The following ECI2 variants were observed in gnomAD, a reference collection of about 807,000 sequenced individuals.
The protein encoded by ECI2 is enoyl-CoA delta isomerase 2, also known as D3,D2-enoyl-CoA isomerase.
A neutral mutation model predicts 38.4 loss-of-function variants in ECI2; 27 were observed. The ratio of observed to expected loss-of-function variants is 0.70; its 90% CI spans 0.52 to 0.97. The LOEUF is 0.97. Ranked by LOEUF, ECI2 falls within the 50% of genes least tolerant of loss-of-function variation. The pLI, the probability that ECI2 is intolerant of heterozygous loss-of-function variation, is 0.00. For missense variants in ECI2, 470 were observed against 474.4 expected (o/e 0.99, Z 0.09); for synonymous variants, 168 against 172.0 (o/e 0.98, Z 0.18).
At chr6:4,130,628 A>G (rs767625812) in intron 3 of ECI2, 68 bp from the exon 4 acceptor site, 5 of 1,606,404 alleles carry the variant, frequency 3.1e-6, no homozygotes, top group Non-Finnish European at 4.3e-6. Flanking sequence ...AAGTTACTAT[A>G]CTAATAACTA....
chr6:4,120,902 CA>C (rs1183297981), intron 7 of ECI2, among the ~76,000 whole-genome samples: 2 of 152,052 alleles, frequency 1.3e-5, no homozygotes, highest in African/African-American at 2.4e-5. Context: ...ATAATGTTAA[CA>C]AAAAGGCAGT....
intron 7 of ECI2, 44 bp from the exon 8 acceptor site, chr6:4,119,319 ATTTTTT>A: frequency 6.8e-6 from 8 of 1,172,022 alleles, no homozygotes; most frequent in East Asian, 2.7e-5. Context: ...TTCATGTGTG[ATTTTTT>A]TTTTTTTTTT....
chr6:4,133,404 A>G, intron 2 of ECI2, 145 bp downstream of exon 2: 1 of 873,028 alleles, frequency 1.1e-6, no homozygotes. Flanking sequence ...TGGCATATAT[A>G]TATATACACA....
At chr6:4,133,303 T>C (rs1015939756) in intron 2 of ECI2, among the ~76,000 whole-genome samples, 2 of 152,152 alleles carry the variant, frequency 1.3e-5, no homozygotes, top group Non-Finnish European at 2.9e-5. Context: ...GGTCTACAAA[T>C]GTGAATATTA....
chr6:4,127,118 A>G (rs1773211909), intron 5 of ECI2, among the ~76,000 whole-genome samples: 1 of 152,216 alleles, frequency 6.6e-6, no homozygotes, highest in South Asian at 2.1e-4. Flanking sequence ...TTAAAGATGC[A>G]TCCACATTCT....
chr6:4,124,778 G>C (rs1264707242), intron 7 of ECI2, among the ~76,000 whole-genome samples: 1 of 152,128 alleles, frequency 6.6e-6, no homozygotes, highest in African/African-American at 2.4e-5. Context: ...ATTGTGTTCT[G>C]GGCAAGGAAC....
intron 1 of ECI2, 162 bp downstream of exon 1, chr6:4,135,349 G>A: frequency 6.7e-7 from 1 of 1,484,412 alleles, no homozygotes; most frequent in Non-Finnish European, 8.9e-7. Flanking sequence ...CGCGCGTGAG[G>A]TCGTCACTTT....
chr6:4,121,852 T>C (rs1772796202), intron 7 of ECI2: 2 of 521,718 alleles, frequency 3.8e-6, no homozygotes. Context: ...TGTTAGAAGA[T>C]ATAAATCTAT....
chr6:4,131,666 G>A (rs1254203337), intron 2 of ECI2, among the ~76,000 whole-genome samples: 4 of 152,040 alleles, frequency 2.6e-5, no homozygotes, highest in Non-Finnish European at 5.9e-5. Flanking sequence ...AGACCAGCCT[G>A]ACCAATATGG....
At chr6:4,134,357 C>G (rs1461873280) in intron 1 of ECI2, among the ~76,000 whole-genome samples, 1 of 152,090 alleles carries the variant, frequency 6.6e-6, no homozygotes, top group Non-Finnish European at 1.5e-5. Context: ...CAGGCGTGCC[C>G]CTTTCTATGG....
chr6:4,130,309 T>G lies in ECI2; in HGVS notation c.501+63A>C, dbSNP rs1442400675. 32 of 1,613,774 alleles carry G rather than the reference T, an allele frequency of 2.0e-5. 1 individual carries two copies. Among genetic ancestry groups the G allele is most frequent in the Non-Finnish European group, 3.4e-6 (4 of 1,180,000 alleles). ...GAATGATGCTGAAACTCTACAGCTT[T>G]TGTGTGAAACACATAGAAGAAGAAA... On this transcript the variant is annotated intron_variant, in intron 4 of 9. Coordinates refer to ENST00000380118, the MANE Select transcript of ECI2 (RefSeq NM_206836.3).
intron 7 of ECI2, among the ~76,000 whole-genome samples, chr6:4,122,270 G>A (rs1432287957): frequency 5.7e-5 from 8 of 140,978 alleles, no homozygotes; most frequent in Non-Finnish European, 6.1e-5. Context: ...GCCCAGCCTT[G>A]AGTGCAGTGG....
chr6:4,131,541 T>TA (rs1773508221), intron 2 of ECI2, among the ~76,000 whole-genome samples: 1 of 152,020 alleles, frequency 6.6e-6, no homozygotes, highest in Admixed American at 6.6e-5. Flanking sequence ...ATAATACAGT[T>TA]AGAGAGGAAA....
chr6:4,131,039 C>G, intron 2 of ECI2, 174 bp from the exon 3 acceptor site: 1 of 516,030 alleles, frequency 1.9e-6, no homozygotes, highest in Non-Finnish European at 3.4e-6. Flanking sequence ...GCCAAAAATG[C>G]ACAAACAGAA....
intron 7 of ECI2, chr6:4,122,094 GA>G: frequency 8.4e-7 from 1 of 1,189,360 alleles, no homozygotes; most frequent in Non-Finnish European, 1.2e-6. Context: ...CTGATTTTCA[GA>G]AAGAGAGCAG....
chr6:4,126,105 T>G (rs747179502), intron 6 of ECI2, 30 bp downstream of exon 6: 83 of 1,583,636 alleles, frequency 5.2e-5, no homozygotes, highest in Non-Finnish European at 6.8e-5. Context: ...ACGGGCCCTC[T>G]GGGATCAGAC....
chr6:4,135,519 C>A lies in ECI2; in HGVS notation c.42G>T (p.Ser14=). 2.5e-6 allele frequency: 4 copies of A among 1,611,272 alleles called. No individual in the cohort carries two copies. The highest frequency in any genetic ancestry group is 3.4e-6 in the Non-Finnish European group (4 of 1,179,338). ...AYLAWRLARR[S]CPSSLQVTSF... is the part of the protein sequence containing the mutation. ...CGGGACTCCAAGCTTACCTCGGACA[C>A]GAACGCCGCGCCAGTCTCCAAGCCA... The change falls in exon 1 of 10, where the codon TCG becomes TCT. Residue 14 remains serine, a synonymous_variant. Coordinates refer to ENST00000380118, the MANE Select transcript of ECI2 (RefSeq NM_206836.3).
intron 5 of ECI2, 75 bp from the exon 6 acceptor site, chr6:4,126,312 C>A: frequency 7.8e-7 from 1 of 1,274,396 alleles, no homozygotes; most frequent in Non-Finnish European, 1.1e-6. Context: ...ATGCCAAACT[C>A]TATGGTTAGG....
intron 1 of ECI2, 75 bp downstream of exon 1, chr6:4,135,436 A>C: frequency 1.9e-6 from 3 of 1,598,680 alleles, no homozygotes; most frequent in Non-Finnish European, 2.6e-6. Context: ...GGGTCTTCCA[A>C]CGGCGGCGAC....
Sources: gnomAD v4.1 joint callset for allele counts (sites outside exome capture counted in the v4.1 genomes callset) on GRCh38, gnomAD v4.1.1 for gene constraint, MANE v1.5 for transcripts, NCBI Gene and HGNC (gene_info 2026-07-23, HGNC 2026-07-21) for gene names.